UACA: variants seen among roughly 807,000 people sequenced by gnomAD.
UACA encodes the protein nuclear membrane binding protein.
UACA carries 112 observed loss-of-function variants against 160.5 expected under a neutral mutation model. That is an observed-to-expected ratio of 0.70 (90% CI 0.60 to 0.82). The LOEUF (loss-of-function observed/expected upper bound fraction) is 0.82, where lower values mean the gene tolerates loss of function less well. Among genes scored for constraint, UACA ranks in the 40% least tolerant of loss-of-function variants. The pLI, the probability that UACA is intolerant of heterozygous loss-of-function variation, is 0.00. For synonymous variants in UACA, 557 were observed against 568.4 expected (o/e 0.98, Z 0.29); for missense variants, 1,574 against 1,614.6 (o/e 0.97, Z 0.43).
Position 70,668,769 on chromosome 15 carries a change from A to G in UACA, c.1915T>C (p.Leu639=), listed in dbSNP as rs1897029981. Residue 639 remains leucine, a synonymous_variant, in exon 16 of 19, where the codon TTA becomes CTA. Transcript: ENST00000322954. ...GCTTTCTCATTCACTTCATTTGATA[A>G]TGAGCTCTTCATGTTTTCAAATTTT... ...AEKFENMKSS[L]SNEVNEKAKK... 6.2e-7 allele frequency: 1 copy of G among 1,613,938 alleles called. No homozygotes were observed.
At chr15:70,702,207 A>G (rs1898391249) in intron 1 of UACA, 13 of 1,139,266 alleles carry the variant, frequency 1.1e-5, no homozygotes, top group Middle Eastern at 7.1e-4. Flanking sequence ...GAAGCTAGCT[A>G]TCTTTCAAAG....
At chr15:70,750,216 A>G (rs2029959009) in intron 1 of UACA, among the ~76,000 whole-genome samples, 1 of 152,168 alleles carries the variant, frequency 6.6e-6, no homozygotes, top group South Asian at 2.1e-4. Flanking sequence ...TCTCCAGGCT[A>G]GACCCTCTCA....
chr15:70,701,362 A>G, intron 1 of UACA, among the ~76,000 whole-genome samples: 1 of 152,226 alleles, frequency 6.6e-6, no homozygotes, highest in East Asian at 1.9e-4. Context: ...CGTGGACATA[A>G]GCTTACAAGA....
At chr15:70,713,212 G>A (rs1019873678) in intron 1 of UACA, among the ~76,000 whole-genome samples, 8 of 152,138 alleles carry the variant, frequency 5.3e-5, no homozygotes, top group Non-Finnish European at 8.8e-5. Flanking sequence ...TTAGCCGCGC[G>A]CGGTGGCCGG....
upstream of UACA, among the ~76,000 whole-genome samples, chr15:70,765,203 C>A (rs1204682234): frequency 6.6e-6 from 1 of 152,160 alleles, no homozygotes; most frequent in African/African-American, 2.4e-5. Flanking sequence ...CCCCAATAAT[C>A]TTCTGTCTGT....
intron 12 of UACA, 130 bp downstream of exon 12, chr15:70,676,978 T>G: frequency 1.4e-6 from 1 of 700,126 alleles, no homozygotes; most frequent in Non-Finnish European, 2.4e-6. Flanking sequence ...TCTATAGATT[T>G]TGAATTTCCC....
intron 1 of UACA, among the ~76,000 whole-genome samples, chr15:70,747,153 CT>C (rs1899731255): frequency 6.6e-6 from 1 of 151,722 alleles, no homozygotes; most frequent in Non-Finnish European, 1.5e-5. Context: ...ATTTTGTCAC[CT>C]TTACACTGTT....
the UACA span, among the ~76,000 whole-genome samples, chr15:70,777,673 T>C: frequency 1.3e-5 from 2 of 152,130 alleles, no homozygotes; most frequent in African/African-American, 4.8e-5. Flanking sequence ...GCATTTAGCA[T>C]GATGGAAGCC....
chr15:70,667,369 A>T lies in UACA; in HGVS notation c.3315T>A (p.Asn1105Lys). The change falls in exon 16 of 19, where the codon AAT becomes AAA. Residue 1105 changes from asparagine (N) to lysine (K), a missense_variant. Transcript: ENST00000322954. ...ATGGAACATGTTGTTTTTGCAAAAG[A>T]TTTTGCACTGCAAGTATCTCAGAAG... ...KQTSEILAVQ[N>K]LLQKQHVPLE... 2 of 1,612,838 alleles carry T rather than the reference A, an allele frequency of 1.2e-6. No homozygotes were observed. The highest frequency in any genetic ancestry group is 1.7e-6 in the Non-Finnish European group (2 of 1,179,886).
chr15:70,684,497 T>C (rs765612503), intron 7 of UACA, 51 bp from the exon 8 acceptor site: 53 of 1,549,550 alleles, frequency 3.4e-5, no homozygotes, highest in South Asian at 2.5e-4. Flanking sequence ...CAAGGAAATA[T>C]TGCAGAAATA....
intron 1 of UACA, among the ~76,000 whole-genome samples, chr15:70,745,520 A>C (rs899291549): frequency 6.6e-6 from 1 of 152,172 alleles, no homozygotes; most frequent in African/African-American, 2.4e-5. Context: ...CAATATCATG[A>C]AAATAGCCAT....
chr15:70,752,089 T>A (rs989025833), intron 1 of UACA, among the ~76,000 whole-genome samples: 2 of 151,702 alleles, frequency 1.3e-5, no homozygotes, highest in African/African-American at 2.4e-5. Flanking sequence ...ATGCAAAAAA[T>A]TAGCTGGGTG....
intron 1 of UACA, among the ~76,000 whole-genome samples, chr15:70,745,544 A>G (rs1259576064): frequency 6.6e-6 from 1 of 152,136 alleles, no homozygotes; most frequent in Non-Finnish European, 1.5e-5. Flanking sequence ...GTCCAAAATA[A>G]TTTACAGATT....
At chr15:70,764,141 T>G (rs972845431), upstream of UACA, among the ~76,000 whole-genome samples, 2 of 152,116 alleles carry the variant, frequency 1.3e-5, no homozygotes, top group Non-Finnish European at 2.9e-5. Flanking sequence ...TAAGTTACAG[T>G]ACAAGTTACG....
chr15:70,758,723 C>T (rs2030572713), intron 1 of UACA: 1 of 152,038 alleles, frequency 6.6e-6, no homozygotes, highest in Non-Finnish European at 1.5e-5. Context: ...TATTTTTTCG[C>T]AGTGCTGAGG....
At chr15:70,747,511 A>G (rs1899749034) in intron 1 of UACA, among the ~76,000 whole-genome samples, 1 of 152,166 alleles carries the variant, frequency 6.6e-6, no homozygotes, top group African/African-American at 2.4e-5. Context: ...CGGGGACTAC[A>G]AACACACCTG....
chr15:70,768,442 C>T (rs1281857285), upstream of UACA: 1 of 152,172 alleles, frequency 6.6e-6, no homozygotes, highest in East Asian at 1.9e-4. Flanking sequence ...TGACCTTATA[C>T]CTAAAAGCAG....
At chr15:70,697,137 T>C (rs1442428944) in intron 2 of UACA, among the ~76,000 whole-genome samples, 5 of 152,190 alleles carry the variant, frequency 3.3e-5, no homozygotes, top group South Asian at 4.1e-4. Context: ...CCTGGACAAA[T>C]GTTACTACTG....
At chr15:70,679,411 T>G (rs1235155147) in intron 10 of UACA, among the ~76,000 whole-genome samples, 197 bp downstream of exon 10, 1 of 146,526 alleles carries the variant, frequency 6.8e-6, no homozygotes, top group East Asian at 2.0e-4. Flanking sequence ...TCTAAATAAA[T>G]AAATAAATAA....
Sources: gnomAD v4.1 joint callset for allele counts (sites outside exome capture counted in the v4.1 genomes callset) on GRCh38, gnomAD v4.1.1 for gene constraint, MANE v1.5 for transcripts, NCBI Gene and HGNC (gene_info 2026-07-23, HGNC 2026-07-21) for gene names.